UNC80: variants seen among roughly 807,000 people sequenced by gnomAD.
UNC80 encodes protein unc-80 homolog.
Under a neutral mutation model 384.6 loss-of-function variants are expected in UNC80, and 164 were observed. The ratio of observed to expected loss-of-function variants is 0.43; its 90% confidence interval spans 0.38 to 0.49. UNC80 has a LOEUF of 0.49. Among genes scored for constraint, UNC80 ranks in the 20% least tolerant of loss-of-function variants. UNC80 has a pLI of 0.00. For synonymous variants in UNC80, 1,486 were observed against 1,527.8 expected (o/e 0.97, Z 0.64); for missense variants, 3,330 against 4,143.0 (o/e 0.80, Z 5.39).
intron 33 of UNC80, 122 bp from the exon 34 acceptor site, chr2:209,921,378 G>GAAACT: frequency 1.0e-6 from 1 of 964,890 alleles, no homozygotes. Context: ...ACTGGATCAT[G>GAAACT]GGTATCCTAA....
At chr2:209,851,181 G>T (rs1301753944) in intron 22 of UNC80, among the ~76,000 whole-genome samples, 2 of 152,066 alleles carry the variant, frequency 1.3e-5, no homozygotes, top group African/African-American at 4.8e-5. Context: ...AATAGCCACA[G>T]ATTCCTACTT....
At chr2:209,950,599 C>G (rs573795828) in intron 47 of UNC80, among the ~76,000 whole-genome samples, 3 of 150,090 alleles carry the variant, frequency 2.0e-5, no homozygotes, top group Admixed American at 2.0e-4. Flanking sequence ...GTTCTTGTTG[C>G]CCAGGCTGGA....
rs2302452 is a variant in UNC80, at chr2:209,773,024, T to C, written c.93-70T>C. 5,292 of 1,266,498 alleles carry C rather than the reference T, an allele frequency of 4.2e-3. 288 individuals are homozygous for C. The Admixed American group carries it at 0.087, about 21-fold the overall frequency. The allele number at this position is 1,266,498 out of a possible 1,614,324, so 78.5% of individuals were successfully genotyped here. ...GCATCCTGTCTTATTCATTGAAAAA[T>C]ACGTCACAAGGATGCTTTAATAATA... On this transcript the variant is annotated intron_variant, in intron 1 of 64. Coordinates refer to ENST00000673920, the MANE Select transcript of UNC80 (RefSeq NM_001371986.1).
intron 17 of UNC80, among the ~76,000 whole-genome samples, chr2:209,834,638 G>A (rs969903374): frequency 6.6e-6 from 1 of 152,086 alleles, no homozygotes; most frequent in Non-Finnish European, 1.5e-5. Context: ...TATATTAAAT[G>A]CCACTTAAAA....
intron 41 of UNC80, 143 bp from the exon 42 acceptor site, chr2:209,937,386 A>G (rs544980039): frequency 1.6e-6 from 1 of 626,720 alleles, no homozygotes; most frequent in African/African-American, 1.8e-5. Context: ...GTGATCTTCC[A>G]GAGTGTTGTT....
chr2:209,959,142 T>C lies in UNC80; in HGVS notation c.7574T>C (p.Leu2525Pro), dbSNP rs999246316. The C allele has an allele frequency of 1.3e-6, 2 of 1,552,120 alleles. No homozygotes were observed. Among genetic ancestry groups the C allele is most frequent in the Admixed American group, 3.9e-5 (2 of 51,008 alleles). Residue 2525 changes from leucine to proline, a missense_variant, in exon 50 of 65, where the codon CTG becomes CCG. Physicochemically the swap from Leu to Pro is moderately conservative, Grantham distance 98. Around this residue, in one of 8 missense-constraint regions of UNC80, gnomAD observed 1,049 missense variants for 1,488.6 expected, o/e 0.70. Coordinates refer to ENST00000673920, the MANE Select transcript of UNC80 (RefSeq NM_001371986.1). The stretch of plus-strand genomic sequence containing the variant: ...AGGTACCAGGAACAAGGAGCCAAAC[T>C]GCACTTTATCAGGTACAGAAAGACT... ...NTRYQEQGAK[L>P]HFIRENLHLL...
intron 21 of UNC80, among the ~76,000 whole-genome samples, chr2:209,846,992 G>A (rs1559190862): frequency 1.3e-5 from 2 of 152,048 alleles, no homozygotes; most frequent in Non-Finnish European, 2.9e-5. Flanking sequence ...CTTCAGCAGA[G>A]TATAAAAGTC....
At chr2:209,922,023 T>C (rs774467638) in intron 34 of UNC80, among the ~76,000 whole-genome samples, 13 of 152,320 alleles carry the variant, frequency 8.5e-5, no homozygotes, top group Middle Eastern at 3.4e-3. Flanking sequence ...AATTAATCAT[T>C]CTGAATTGAG....
At position 209,943,372 on chromosome 2, in the gene UNC80, T is replaced by C. The variant is rs1297251076; in HGVS notation, c.6916-8T>C. On this transcript the variant is annotated splice_region_variant and splice_polypyrimidine_tract_variant and intron_variant, in intron 44 of 64. Transcript: ENST00000673920. ...GGCATTTTTTGAATATCTGGCATTTTTCCATAGGTGTACTCCGACTATGAA... is the reference window on the plus strand; with the variant it reads ...GGCATTTTTTGAATATCTGGCATTTCTCCATAGGTGTACTCCGACTATGAA... 1 of 1,551,602 alleles carries C rather than the reference T, an allele frequency of 6.4e-7. No individual in the cohort carries two copies. The highest frequency in any genetic ancestry group is 1.2e-5 in the South Asian group (1 of 83,942).
Position 209,817,805 on chromosome 2 carries a change from A to G in UNC80, c.1553-7A>G. 6 of 1,551,548 alleles carry G rather than the reference A, an allele frequency of 3.9e-6. No homozygotes were observed. The highest frequency in any genetic ancestry group is 2.7e-5 in the African/African-American group (2 of 73,112). ...ACCCTCTTGTGGGGTGCTCTTATTC[A>G]TCCCAGGGAAATTGACCCGGCGAGG... On this transcript the variant is annotated splice_polypyrimidine_tract_variant and splice_region_variant and intron_variant, in intron 10 of 64. Coordinates refer to ENST00000673920, the MANE Select transcript of UNC80 (RefSeq NM_001371986.1).
At chr2:209,876,035 C>CCCT (rs947196942) in intron 23 of UNC80, among the ~76,000 whole-genome samples, 13 of 152,164 alleles carry the variant, frequency 8.5e-5, no homozygotes, top group Non-Finnish European at 1.6e-4. Context: ...CCGACCCTCT[C>CCCT]CCTCTCTGAG....
At chr2:209,941,525 C>T (rs1220162785) in intron 44 of UNC80, 36 bp downstream of exon 44, 17 of 1,506,740 alleles carry the variant, frequency 1.1e-5, no homozygotes, top group South Asian at 1.0e-4. Context: ...AGAAAATTAA[C>T]ATGAGTACTG....
intron 61 of UNC80, among the ~76,000 whole-genome samples, chr2:209,989,435 A>G (rs1575242826): frequency 6.6e-6 from 1 of 152,198 alleles, no homozygotes; most frequent in Non-Finnish European, 1.5e-5. Context: ...AGAGCATGAA[A>G]TACACATTTC....
intron 59 of UNC80, among the ~76,000 whole-genome samples, chr2:209,981,853 TA>T (rs1204953010): frequency 6.6e-6 from 1 of 152,240 alleles, no homozygotes; most frequent in Non-Finnish European, 1.5e-5. Flanking sequence ...GGAATGTTTT[TA>T]AAAAATTATG....
intron 4 of UNC80, among the ~76,000 whole-genome samples, chr2:209,779,372 G>C (rs939866249): frequency 2.0e-5 from 3 of 152,020 alleles, no homozygotes; most frequent in Admixed American, 6.5e-5. Flanking sequence ...TCTACACTCA[G>C]ATTTTCACAT....
intron 36 of UNC80, among the ~76,000 whole-genome samples, chr2:209,927,957 A>T (rs2090564170): frequency 6.6e-6 from 1 of 152,192 alleles, no homozygotes; most frequent in Non-Finnish European, 1.5e-5. Context: ...TTCTAGATGA[A>T]TATTAATATA....
chr2:209,927,067 C>A, intron 36 of UNC80, 81 bp downstream of exon 36: 1 of 1,434,316 alleles, frequency 7.0e-7, no homozygotes. Flanking sequence ...CTCTTAAACA[C>A]ATTATCTACT....
At chr2:209,880,321 T>C (rs191996089) in intron 24 of UNC80, among the ~76,000 whole-genome samples, 1 of 152,352 alleles carries the variant, frequency 6.6e-6, no homozygotes, top group Non-Finnish European at 1.5e-5. Flanking sequence ...AAAGAGAATA[T>C]TTGTACATTT....
At chr2:209,971,283 CA>C (rs2092877176) in intron 54 of UNC80, among the ~76,000 whole-genome samples, 1 of 152,130 alleles carries the variant, frequency 6.6e-6, no homozygotes, top group African/African-American at 2.4e-5. Context: ...GTAATATTCA[CA>C]ATCTGGTTTT....
Sources: allele counts gnomAD v4.1 joint callset (sites outside exome capture counted in the v4.1 genomes callset), GRCh38; gene constraint gnomAD v4.1.1; regional missense constraint gnomAD v4.1.1; transcripts MANE v1.5; gene names NCBI Gene and HGNC (gene_info 2026-07-23, HGNC 2026-07-21).